SMIM31: variants seen among roughly 807,000 people sequenced by gnomAD.
SMIM31 encodes small integral membrane protein 31.
chr4:164,778,977 T>C (rs1732912445), intron 2 of SMIM31, among the ~76,000 whole-genome samples: 1 of 149,334 alleles, frequency 6.7e-6, no homozygotes, highest in Admixed American at 6.7e-5. Flanking sequence ...ATATTGAGAA[T>C]GGAATCCACT....
At chr4:164,758,382 T>C (rs1018250529) in intron 1 of SMIM31, among the ~76,000 whole-genome samples, 7 of 152,118 alleles carry the variant, frequency 4.6e-5, no homozygotes, top group Admixed American at 4.6e-4. Context: ...CTTTATTGCA[T>C]TGGCTAAAGC....
At chr4:164,756,754 T>C (rs115176095) in intron 1 of SMIM31, among the ~76,000 whole-genome samples, 1,884 of 152,270 alleles carry the variant, frequency 0.012, 36 homozygotes, top group African/African-American at 0.043. Flanking sequence ...TTGTCTTGTA[T>C]GTATCACAAA....
intron 2 of SMIM31, among the ~76,000 whole-genome samples, chr4:164,794,253 C>T (rs1733146138): frequency 6.6e-6 from 1 of 152,146 alleles, no homozygotes; most frequent in Non-Finnish European, 1.5e-5. Flanking sequence ...GTGGTGCACG[C>T]CTGTAGTTCC....
chr4:164,794,867 TACAC>T (rs1733168545), intron 2 of SMIM31, among the ~76,000 whole-genome samples: 1 of 151,580 alleles, frequency 6.6e-6, no homozygotes, highest in Non-Finnish European at 1.5e-5. Context: ...CTTATAGAGA[TACAC>T]AGAGAGGAAG....
intron 2 of SMIM31, among the ~76,000 whole-genome samples, chr4:164,791,335 T>C (rs1733097599): frequency 6.6e-6 from 1 of 152,318 alleles, no homozygotes; most frequent in South Asian, 2.1e-4. Flanking sequence ...GTAGTTTTAG[T>C]CATTTTTTAG....
At chr4:164,794,439 A>T (rs1733160793) in intron 2 of SMIM31, among the ~76,000 whole-genome samples, 1 of 152,114 alleles carries the variant, frequency 6.6e-6, no homozygotes, top group Non-Finnish European at 1.5e-5. Context: ...ATATGTGGGG[A>T]AATTTCCACA....
At chr4:164,776,339 T>C (rs1015134275) in intron 2 of SMIM31, among the ~76,000 whole-genome samples, 14 of 152,200 alleles carry the variant, frequency 9.2e-5, no homozygotes. Flanking sequence ...GTTCCATGAT[T>C]TGTTACCTGA....
intron 1 of SMIM31, among the ~76,000 whole-genome samples, chr4:164,769,957 C>G (rs978480516): frequency 6.6e-6 from 1 of 152,130 alleles, no homozygotes; most frequent in Non-Finnish European, 1.5e-5. Context: ...AGATTTATAA[C>G]TTAAGGTAAG....
At chr4:164,778,259 C>T (rs1030647269) in intron 2 of SMIM31, among the ~76,000 whole-genome samples, 1 of 152,062 alleles carries the variant, frequency 6.6e-6, no homozygotes, top group Non-Finnish European at 1.5e-5. Context: ...ATAAACCTTT[C>T]AGCACTCAAG....
intron 2 of SMIM31, among the ~76,000 whole-genome samples, chr4:164,797,665 T>C (rs892072322): frequency 5.3e-5 from 8 of 152,030 alleles, no homozygotes; most frequent in Non-Finnish European, 1.0e-4. Context: ...GGTTTCACCA[T>C]TTTGGCCAGG....
chr4:164,792,979 TCAA>T (rs1733123010), intron 2 of SMIM31, among the ~76,000 whole-genome samples: 1 of 152,152 alleles, frequency 6.6e-6, no homozygotes, highest in Non-Finnish European at 1.5e-5. Context: ...GGTCTCCTCT[TCAA>T]CAACAGGTGT....
intron 1 of SMIM31, among the ~76,000 whole-genome samples, chr4:164,759,001 A>G (rs1440481022): frequency 6.6e-6 from 1 of 151,136 alleles, no homozygotes; most frequent in Non-Finnish European, 1.5e-5. Context: ...TATTCTGTTA[A>G]TAGAGAACAT....
chr4:164,790,982 A>G (rs1224172820), intron 2 of SMIM31, among the ~76,000 whole-genome samples: 4 of 152,366 alleles, frequency 2.6e-5, no homozygotes, highest in Non-Finnish European at 5.9e-5. Context: ...ATCTGCAAAC[A>G]TTCAGAGGCT....
intron 2 of SMIM31, among the ~76,000 whole-genome samples, chr4:164,771,305 T>C (rs1015015135): frequency 5.3e-5 from 8 of 152,210 alleles, no homozygotes; most frequent in African/African-American, 1.9e-4. Flanking sequence ...CACAATTGTT[T>C]CCACTGTGTT....
At chr4:164,765,790 A>C (rs1288254542) in intron 1 of SMIM31, among the ~76,000 whole-genome samples, 2 of 152,192 alleles carry the variant, frequency 1.3e-5, no homozygotes, top group Admixed American at 1.3e-4. Context: ...CTAATGTAGC[A>C]GGCTATAAGA....
chr4:164,777,280 T>A (rs1732890397), intron 2 of SMIM31, among the ~76,000 whole-genome samples: 1 of 152,264 alleles, frequency 6.6e-6, no homozygotes, highest in Non-Finnish European at 1.5e-5. Context: ...ATATTCTGCA[T>A]GCCAAAGTCA....
intron 2 of SMIM31, among the ~76,000 whole-genome samples, chr4:164,797,389 T>C (rs973351763): frequency 5.3e-5 from 8 of 151,814 alleles, no homozygotes; most frequent in Admixed American, 4.6e-4. Context: ...AGAATATAGA[T>C]ATAAACACAG....
At chr4:164,761,774 A>G (rs1405360526) in intron 1 of SMIM31, among the ~76,000 whole-genome samples, 2 of 150,874 alleles carry the variant, frequency 1.3e-5, no homozygotes, top group African/African-American at 4.9e-5. Flanking sequence ...AAAAAAAAAA[A>G]TTAGCCAGGT....
intron 2 of SMIM31, among the ~76,000 whole-genome samples, chr4:164,791,631 G>A (rs1476823800): frequency 6.6e-6 from 1 of 152,082 alleles, no homozygotes; most frequent in South Asian, 2.1e-4. Flanking sequence ...TAGTTATAAT[G>A]TCTACAGTAA....
Sources: allele counts gnomAD v4.1 joint callset (sites outside exome capture counted in the v4.1 genomes callset), GRCh38; gene constraint gnomAD v4.1.1; transcripts MANE v1.5; gene names NCBI Gene and HGNC (gene_info 2026-07-23, HGNC 2026-07-21).